Variants in AP4S1 observed in about 807,000 individuals in gnomAD.
The protein encoded by AP4S1 is AP-4 complex subunit sigma-1.
Under a neutral mutation model 19.8 loss-of-function variants are expected in AP4S1, and 23 were observed. That is an observed-to-expected ratio of 1.16 (90% CI 0.84 to 1.65). AP4S1 has a LOEUF of 1.65. Ranked by LOEUF, AP4S1 falls within the 40% of genes most tolerant of loss-of-function variation. The pLI, the probability that AP4S1 is intolerant of heterozygous loss-of-function variation, is 0.00. For synonymous variants in AP4S1, 46 were observed against 54.1 expected (o/e 0.85, Z 0.66); for missense variants, 166 against 172.8 (o/e 0.96, Z 0.22).
At chr14:31,029,805 A>G (rs1284177937) in intron 1 of AP4S1, among the ~76,000 whole-genome samples, 1 of 151,750 alleles carries the variant, frequency 6.6e-6, no homozygotes, top group Non-Finnish European at 1.5e-5. Context: ...AGTCTGGGCA[A>G]CAGAGCAAAA....
At chr14:31,080,457 A>G in intron 4 of AP4S1, 116 bp from the exon 5 acceptor site, 1 of 825,468 alleles carries the variant, frequency 1.2e-6, no homozygotes, top group Non-Finnish European at 2.0e-6. Flanking sequence ...CAAGCCCAGA[A>G]GCAGGTAGGA....
At chr14:31,046,083 C>T (rs1304840640) in intron 1 of AP4S1, among the ~76,000 whole-genome samples, 1 of 151,606 alleles carries the variant, frequency 6.6e-6, no homozygotes, top group Non-Finnish European at 1.5e-5. Context: ...TCTCCTGCCT[C>T]AGTCTCCCGA....
chr14:31,039,423 G>T (rs573752310), intron 1 of AP4S1, among the ~76,000 whole-genome samples: 1 of 152,054 alleles, frequency 6.6e-6, no homozygotes, highest in Admixed American at 6.6e-5. Flanking sequence ...GGTCTCAGGT[G>T]ATCTGCCCGC....
At chr14:31,081,084 G>A (rs1282038747) in intron 5 of AP4S1, among the ~76,000 whole-genome samples, 5 of 152,120 alleles carry the variant, frequency 3.3e-5, no homozygotes, top group Non-Finnish European at 5.9e-5. Context: ...GAACCACTGC[G>A]CCTGGCAAGA....
intron 4 of AP4S1, among the ~76,000 whole-genome samples, chr14:31,074,738 CAGAT>C (rs1472111911): frequency 1.3e-5 from 2 of 152,112 alleles, no homozygotes; most frequent in Non-Finnish European, 2.9e-5. Flanking sequence ...TCTCTAGTGA[CAGAT>C]ACTCAGGAGG....
At chr14:31,033,046 AGTGTATAT>A (rs1884499413) in intron 1 of AP4S1, 1 of 152,158 alleles carries the variant, frequency 6.6e-6, no homozygotes, top group African/African-American at 2.4e-5. Context: ...TACATCAGTG[AGTGTATAT>A]GTGTATTTGG....
At chr14:31,049,593 G>A (rs1885664231) in intron 1 of AP4S1, among the ~76,000 whole-genome samples, 1 of 149,556 alleles carries the variant, frequency 6.7e-6, no homozygotes, top group African/African-American at 2.5e-5. Context: ...GGTGCATGTA[G>A]ACTTATATAC....
At chr14:31,032,592 C>T (rs1416284827) in intron 1 of AP4S1, among the ~76,000 whole-genome samples, 4 of 149,648 alleles carry the variant, frequency 2.7e-5, no homozygotes, top group South Asian at 2.1e-4. Context: ...GGTGCGATCT[C>T]GGCTCACTGC....
chr14:31,041,138 TTTTG>T (rs1310753000), intron 1 of AP4S1, among the ~76,000 whole-genome samples: 4 of 151,610 alleles, frequency 2.6e-5, no homozygotes, highest in African/African-American at 4.8e-5. Flanking sequence ...GTTTGAAATA[TTTTG>T]TTTGTTTGTT....
At position 31,094,939 on chromosome 14, in the gene AP4S1, C is replaced by G. The variant is rs994091854; in HGVS notation, c.*1904C>G. Reference sequence around the variant, plus strand: ...GCTGAGGCAGTAGAATTGCTTGAACCCGGGAGGCAGAGGTTGCAGTGAGCC... The same window carrying G: ...GCTGAGGCAGTAGAATTGCTTGAACGCGGGAGGCAGAGGTTGCAGTGAGCC... On this transcript the variant is annotated 3_prime_UTR_variant, in exon 6 of 6. Transcript: ENST00000542754. The G allele has an allele frequency of 6.6e-6, 1 of 152,194 alleles. No individual in the cohort carries two copies. Among genetic ancestry groups the G allele is most frequent in the Non-Finnish European group, 1.5e-5 (1 of 68,188 alleles). The allele number at this position is 152,194 out of a possible 1,614,324, so 9.4% of individuals were successfully genotyped here.
intron 4 of AP4S1, among the ~76,000 whole-genome samples, chr14:31,079,258 C>G (rs1310419843): frequency 6.6e-6 from 1 of 151,914 alleles, no homozygotes; most frequent in East Asian, 1.9e-4. Context: ...ATTTTATTTA[C>G]AAAATTTTAA....
Position 31,070,778 on chromosome 14 carries a change from C to T in AP4S1, c.225+849C>T, listed in dbSNP as rs117588309. Among the ~76,000 whole-genome samples, 160 of 152,272 alleles carry T rather than the reference C, an allele frequency of 1.1e-3. No homozygotes were observed. In the East Asian group the frequency reaches 0.017, roughly 16 times the overall value. ...GCATTAAACATGGGCTGAGGCCGGG[C>T]GCGGTGGCCCATGCCTGAAATCCCA... On this transcript the variant is annotated intron_variant, in intron 3 of 5. Coordinates refer to ENST00000542754, the MANE Select transcript of AP4S1 (RefSeq NM_001128126.3).
intron 1 of AP4S1, among the ~76,000 whole-genome samples, chr14:31,042,164 T>C (rs1390262298): frequency 1.3e-5 from 2 of 152,190 alleles, no homozygotes; most frequent in Non-Finnish European, 2.9e-5. Context: ...AAATTACCCT[T>C]GGCACTAAAA....
chr14:31,068,795 A>G (rs1886856871), intron 2 of AP4S1, among the ~76,000 whole-genome samples: 1 of 152,152 alleles, frequency 6.6e-6, no homozygotes, highest in Non-Finnish European at 1.5e-5. Context: ...GTTTTTATCC[A>G]TAGAGGTGCT....
chr14:31,032,636 G>A (rs1380115568), intron 1 of AP4S1, among the ~76,000 whole-genome samples: 1 of 151,160 alleles, frequency 6.6e-6, no homozygotes, highest in African/African-American at 2.4e-5. Flanking sequence ...CGATTCTCCT[G>A]CCTCAGCCTC....
chr14:31,025,581 G>A (rs1239476439), upstream of AP4S1: 14 of 426,630 alleles, frequency 3.3e-5, no homozygotes, highest in Non-Finnish European at 4.7e-5. Context: ...CTCCCACAGA[G>A]AGGTGCTCGG....
intron 1 of AP4S1, among the ~76,000 whole-genome samples, chr14:31,064,188 G>T (rs760925328): frequency 1.3e-5 from 2 of 152,198 alleles, no homozygotes; most frequent in Non-Finnish European, 2.9e-5. Context: ...CCATGCATGT[G>T]CTTGGCCTTT....
At chr14:31,081,062 G>A (rs549931275) in intron 5 of AP4S1, among the ~76,000 whole-genome samples, 2 of 152,152 alleles carry the variant, frequency 1.3e-5, no homozygotes, top group African/African-American at 4.8e-5. Flanking sequence ...AAAGTGCTGG[G>A]ATTACAGGCG....
chr14:31,070,535 A>G (rs554077621), intron 3 of AP4S1, among the ~76,000 whole-genome samples: 203 of 152,304 alleles, frequency 1.3e-3, no homozygotes, highest in African/African-American at 4.4e-3. Context: ...GGCACAAGCC[A>G]CTGTGCCTGG....
Sources: gnomAD v4.1 joint callset for allele counts (sites outside exome capture counted in the v4.1 genomes callset) on GRCh38, gnomAD v4.1.1 for gene constraint, MANE v1.5 for transcripts, NCBI Gene and HGNC (gene_info 2026-07-23, HGNC 2026-07-21) for gene names.